The following THSD4 variants were observed in gnomAD, a reference collection of about 807,000 sequenced individuals.
THSD4 encodes the protein thrombospondin type-1 domain-containing protein 4.
Under a neutral mutation model 119.0 loss-of-function variants are expected in THSD4, and 69 were observed. The ratio of observed to expected loss-of-function variants is 0.58; its 90% CI spans 0.48 to 0.71. THSD4 has a LOEUF of 0.71. Ranked by LOEUF, THSD4 falls within the 30% of genes least tolerant of loss-of-function variation. The pLI is 0.00. For synonymous variants in THSD4, 524 were observed against 540.4 expected (o/e 0.97, Z 0.42); for missense variants, 1,393 against 1,391.1 (o/e 1.00, Z -0.02).
intron 4 of THSD4, among the ~76,000 whole-genome samples, chr15:71,218,912 A>T (rs943904180): frequency 6.6e-6 from 1 of 152,234 alleles, no homozygotes; most frequent in Non-Finnish European, 1.5e-5. Context: ...TTAAACATCT[A>T]CTATGTTGTA....
At chr15:71,200,608 G>C (rs1422757011) in intron 3 of THSD4, among the ~76,000 whole-genome samples, 1 of 152,200 alleles carries the variant, frequency 6.6e-6, no homozygotes, top group Admixed American at 6.5e-5. Context: ...TAATGGTTCT[G>C]AAAAGGGTTA....
chr15:71,492,056 C>G (rs2047927843), intron 7 of THSD4, among the ~76,000 whole-genome samples: 1 of 150,646 alleles, frequency 6.6e-6, no homozygotes, highest in Admixed American at 6.7e-5. Context: ...AATGCCTGTT[C>G]ATGTCATTTG....
At chr15:71,345,683 C>T (rs1330936606) in intron 6 of THSD4, among the ~76,000 whole-genome samples, 1 of 152,012 alleles carries the variant, frequency 6.6e-6, no homozygotes, top group Non-Finnish European at 1.5e-5. Context: ...GGAAAGGAAG[C>T]ACTTTTCCTT....
intron 6 of THSD4, among the ~76,000 whole-genome samples, chr15:71,307,793 A>T (rs894612209): frequency 1.3e-5 from 2 of 152,170 alleles, no homozygotes; most frequent in Non-Finnish European, 2.9e-5. Flanking sequence ...AAATGCTTTC[A>T]TACTCACACT....
chr15:71,165,808 G>A (rs1215432641), intron 3 of THSD4, among the ~76,000 whole-genome samples: 1 of 152,148 alleles, frequency 6.6e-6, no homozygotes, highest in Non-Finnish European at 1.5e-5. Flanking sequence ...CCAGCAGGCT[G>A]TTTGGTGGGC....
intron 8 of THSD4, among the ~76,000 whole-genome samples, chr15:71,676,674 C>T (rs1403866551): frequency 2.0e-5 from 3 of 152,192 alleles, no homozygotes; most frequent in African/African-American, 7.2e-5. Context: ...AACTCTCTGC[C>T]TCATGCACTG....
At chr15:71,354,389 T>C (rs1301233433) in intron 6 of THSD4, among the ~76,000 whole-genome samples, 1 of 152,194 alleles carries the variant, frequency 6.6e-6, no homozygotes, top group Non-Finnish European at 1.5e-5. Flanking sequence ...GAGAGAGTGT[T>C]AAGCAGCAGG....
intron 2 of THSD4, among the ~76,000 whole-genome samples, chr15:71,150,248 A>G (rs961833794): frequency 3.9e-5 from 6 of 152,164 alleles, no homozygotes; most frequent in African/African-American, 1.4e-4. Context: ...TCCAAACATT[A>G]ATTTTGAATT....
At chr15:71,252,259 G>T (rs912437300) in intron 5 of THSD4, among the ~76,000 whole-genome samples, 1 of 152,236 alleles carries the variant, frequency 6.6e-6, no homozygotes, top group Non-Finnish European at 1.5e-5. Context: ...TAAGGTGAAG[G>T]TGACTCAGTC....
chr15:71,267,547 G>A (rs774916437), intron 6 of THSD4, among the ~76,000 whole-genome samples: 18 of 152,176 alleles, frequency 1.2e-4, no homozygotes, highest in Non-Finnish European at 2.1e-4. Flanking sequence ...TGAAGAAACC[G>A]AATCAACTAA....
chr15:71,273,768 C>T (rs1299674087), intron 6 of THSD4, among the ~76,000 whole-genome samples: 2 of 152,176 alleles, frequency 1.3e-5, no homozygotes, highest in African/African-American at 2.4e-5. Context: ...AGGAAGCAAG[C>T]CAGACATCTG....
chr15:71,774,001 G>A (rs1321488160), intron 17 of THSD4, among the ~76,000 whole-genome samples: 2 of 152,094 alleles, frequency 1.3e-5, no homozygotes, highest in Admixed American at 1.3e-4. Flanking sequence ...GTTTTGTAAA[G>A]GATAAAGGAA....
intron 6 of THSD4, among the ~76,000 whole-genome samples, chr15:71,277,932 C>T (rs2044610844): frequency 6.6e-6 from 1 of 152,174 alleles, no homozygotes; most frequent in Non-Finnish European, 1.5e-5. Flanking sequence ...TGTAAGATTC[C>T]TCCTGTACAG....
At chr15:71,269,358 A>C (rs1256254215) in intron 6 of THSD4, among the ~76,000 whole-genome samples, 4 of 152,230 alleles carry the variant, frequency 2.6e-5, no homozygotes, top group African/African-American at 9.6e-5. Context: ...CCACATGATT[A>C]TCTCAACAGA....
intron 17 of THSD4, among the ~76,000 whole-genome samples, chr15:71,775,575 G>A (rs1027593676): frequency 6.6e-6 from 1 of 152,054 alleles, no homozygotes; most frequent in South Asian, 2.1e-4. Context: ...GCCAAGTGTG[G>A]CAGCATGTGC....
chr15:71,462,889 G>A (rs562270159), intron 7 of THSD4, among the ~76,000 whole-genome samples: 2 of 152,276 alleles, frequency 1.3e-5, no homozygotes, highest in South Asian at 2.1e-4. Context: ...GTGCCAGTCC[G>A]GATGTCTTAA....
intron 6 of THSD4, among the ~76,000 whole-genome samples, chr15:71,356,013 G>A (rs911262542): frequency 1.3e-5 from 2 of 151,912 alleles, no homozygotes; most frequent in South Asian, 2.1e-4. Context: ...GACTACAGGC[G>A]TGCGTCACCA....
intron 5 of THSD4, 33 bp from the exon 6 acceptor site, chr15:71,256,580 C>A: frequency 6.3e-7 from 1 of 1,578,856 alleles, no homozygotes; most frequent in Non-Finnish European, 8.7e-7. Flanking sequence ...AAAGTATGGA[C>A]ACTAATTGCA....
chr15:71,544,665 A>G (rs149652471), intron 7 of THSD4, among the ~76,000 whole-genome samples: 19 of 152,358 alleles, frequency 1.2e-4, no homozygotes, highest in African/African-American at 4.3e-4. Context: ...ATATATATCT[A>G]AAAGAATTGA....
Sources: gnomAD v4.1 joint callset for allele counts (sites outside exome capture counted in the v4.1 genomes callset) on GRCh38, gnomAD v4.1.1 for gene constraint, MANE v1.5 for transcripts, NCBI Gene and HGNC (gene_info 2026-07-23, HGNC 2026-07-21) for gene names.